The following SLC45A4 variants were observed in gnomAD, a reference collection of about 807,000 sequenced individuals.
SLC45A4 encodes polyamine-transporter SLC45A4.
Under a neutral mutation model 63.7 loss-of-function variants are expected in SLC45A4, and 32 were observed. The ratio of observed to expected loss-of-function variants is 0.50; its 90% CI spans 0.38 to 0.67. The LOEUF is 0.67. SLC45A4 is among the 30% of genes least tolerant of loss of function. The pLI, the probability that SLC45A4 is intolerant of heterozygous loss-of-function variation, is 0.00. For synonymous variants in SLC45A4, 535 were observed against 510.0 expected, an observed-to-expected ratio of 1.05 and a Z score of -0.66; for missense variants, 1,027 against 1,157.7, an observed-to-expected ratio of 0.89 and a Z score of 1.64.
rs1222023854 is a variant in SLC45A4 at position 141,211,921 on chromosome 8, TA to T, written c.2302-225del. On this transcript the variant is annotated intron_variant, in intron 8 of 8. Transcript: ENST00000517878. ...ACCTGCAGAATAAAAGAGCTGAAAT[TA>T]AAATATCTTTTTCAATTAAAAAAAA... 201 of 1,254,046 alleles carry T rather than the reference TA, an allele frequency of 1.6e-4. 2 individuals carry two copies. The East Asian group carries it at 6.1e-3, about 38-fold the overall frequency. The allele number at this position is 1,254,046 out of a possible 1,614,324, so 77.7% of individuals were successfully genotyped here. A position where few individuals can be genotyped will look rare whatever the true frequency, so the allele number is the denominator to read the frequency against.
At position 141,256,770 on chromosome 8, in the gene SLC45A4, T is replaced by C. The variant is rs1483272773; in HGVS notation, c.-400-2141A>G. On this transcript the variant is annotated intron_variant, in intron 1 of 8. Transcript: ENST00000517878. The surrounding 1 kb of genome is among the most constrained non-coding windows in gnomAD (Gnocchi z 4.3). ...AGAATTCTTTCAAGTTTTCCAAATG[T>C]CCTCTACCGTAGAAACATCTCAATT... 5.2e-6 allele frequency: 2 copies of C among 381,230 alleles called. No individual in the cohort carries two copies. The highest frequency in any genetic ancestry group is 1.1e-5 in the Non-Finnish European group (2 of 185,888). 23.6% of individuals were successfully genotyped at this position (381,230 alleles called of 1,614,324 possible).
chr8:141,259,409 C>T (rs191514828), intron 1 of SLC45A4, among the ~76,000 whole-genome samples: 63 of 152,328 alleles, frequency 4.1e-4, no homozygotes, highest in Admixed American at 7.2e-4. Flanking sequence ...GCCCATTGGT[C>T]GAGGGATCAC....
intron 1 of SLC45A4, among the ~76,000 whole-genome samples, chr8:141,277,083 C>T (rs1288614285): frequency 2.0e-5 from 3 of 152,200 alleles, no homozygotes; most frequent in African/African-American, 4.8e-5. Context: ...GAAGGATGCC[C>T]GGCACAGGGG....
At chr8:141,221,440 T>C (rs7004194) in intron 3 of SLC45A4, 137 bp downstream of exon 3, 145,413 of 1,103,092 alleles carry the variant, frequency 0.13, 11,040 homozygotes, top group East Asian at 0.27. Flanking sequence ...ACCGCCAGGG[T>C]GGCCCCGGCA....
At chr8:141,261,827 C>T (rs966538386) in intron 1 of SLC45A4, among the ~76,000 whole-genome samples, 3 of 152,152 alleles carry the variant, frequency 2.0e-5, no homozygotes, top group Non-Finnish European at 4.4e-5. Flanking sequence ...CAATGCCATC[C>T]CCATCAAGCT....
At chr8:141,273,778 G>A (rs147086334) in intron 1 of SLC45A4, among the ~76,000 whole-genome samples, 45 of 152,228 alleles carry the variant, frequency 3.0e-4, no homozygotes, top group Non-Finnish European at 5.4e-4. Context: ...CATAGTGAAC[G>A]TCGTGCTACG....
intron 1 of SLC45A4, among the ~76,000 whole-genome samples, chr8:141,284,135 A>T (rs1357764297): frequency 6.6e-6 from 1 of 152,132 alleles, no homozygotes; most frequent in Non-Finnish European, 1.5e-5. Context: ...CTTCCCCCAA[A>T]CCACCCGCAC....
At chr8:141,231,600 G>T (rs1224898302) in intron 2 of SLC45A4, among the ~76,000 whole-genome samples, 1 of 152,202 alleles carries the variant, frequency 6.6e-6, no homozygotes, top group Non-Finnish European at 1.5e-5. Context: ...ACACCGAGTG[G>T]TCGGGTCACC....
At chr8:141,283,754 G>A (rs62524187) in intron 1 of SLC45A4, among the ~76,000 whole-genome samples, 7,095 of 152,262 alleles carry the variant, frequency 0.047, 269 homozygotes, top group Non-Finnish European at 0.07. Flanking sequence ...AAGAATCAAC[G>A]GCAGCCAGGT....
At chr8:141,301,534 G>A (rs1830742660) in intron 1 of SLC45A4, among the ~76,000 whole-genome samples, 1 of 151,848 alleles carries the variant, frequency 6.6e-6, no homozygotes, top group Non-Finnish European at 1.5e-5. Flanking sequence ...GTCGCTTGAG[G>A]CCAGGAGTTC....
intron 1 of SLC45A4, chr8:141,292,843 T>C (rs1282532962): frequency 1.3e-5 from 2 of 152,274 alleles, no homozygotes; most frequent in Admixed American, 1.3e-4. Context: ...AAGGGCTGGC[T>C]CTAAGAAGTT....
intron 2 of SLC45A4, among the ~76,000 whole-genome samples, chr8:141,241,740 C>G (rs1827930227): frequency 6.6e-6 from 1 of 152,156 alleles, no homozygotes; most frequent in African/African-American, 2.4e-5. Context: ...CCCCCACTGC[C>G]TCCAAGCCTT....
intron 1 of SLC45A4, among the ~76,000 whole-genome samples, chr8:141,290,757 T>G (rs1377238672): frequency 3.9e-5 from 6 of 152,198 alleles, no homozygotes; most frequent in Non-Finnish European, 8.8e-5. Context: ...ACGCTGCGTG[T>G]GGTCTTACCC....
chr8:141,227,192 G>T lies in SLC45A4; in HGVS notation c.242-5427C>A, dbSNP rs1461522776. Among the ~76,000 whole-genome samples the T allele has an allele frequency of 2.0e-5, 3 of 152,232 alleles. No homozygotes were observed. The highest frequency in any genetic ancestry group is 7.2e-5 in the African/African-American group (3 of 41,454). On this transcript the variant is annotated intron_variant, in intron 2 of 8. Coordinates refer to ENST00000517878, the MANE Select transcript of SLC45A4 (RefSeq NM_001286646.2). This position sits in a 1 kb window ranked among gnomAD's most constrained non-coding sequence, Gnocchi z 4.4. Reference sequence around the variant, plus strand: ...AGACCAGGAAGGCTCTCCGTTCACAGGAAATACTGTGTCACCGCTCGGCCG... The same window carrying T: ...AGACCAGGAAGGCTCTCCGTTCACATGAAATACTGTGTCACCGCTCGGCCG...
intron 2 of SLC45A4, among the ~76,000 whole-genome samples, chr8:141,246,358 G>A (rs1050032237): frequency 3.1e-4 from 47 of 152,316 alleles, no homozygotes; most frequent in African/African-American, 1.0e-3. Context: ...ACAGCTCTGC[G>A]GGGTGGCTCT....
intron 2 of SLC45A4, among the ~76,000 whole-genome samples, chr8:141,247,121 A>G (rs983735971): frequency 2.6e-5 from 4 of 152,204 alleles, no homozygotes; most frequent in African/African-American, 9.6e-5. Flanking sequence ...AAATTGATAA[A>G]CCTTTAACCA....
In SLC45A4 at chr8:141,254,612, A is replaced by G; in HGVS notation, c.-383T>C. On this transcript the variant is annotated 5_prime_UTR_variant, in exon 2 of 9. An upstream start codon of the reference 5' UTR is lost. Transcript: ENST00000517878. The surrounding 1 kb of genome is among the most constrained non-coding windows in gnomAD (Gnocchi z 4.5). The stretch of plus-strand genomic sequence containing the variant: ...AACAGGTGGTCCGCTGGTAATCCCC[A>G]TCGAGTGACTGGATGATCTGCAAAA... The G allele has an allele frequency of 1.4e-6, 1 of 700,868 alleles. No individual in the cohort carries two copies. 43.4% of individuals were successfully genotyped at this position (700,868 alleles called of 1,614,324 possible). A position where few individuals can be genotyped will look rare whatever the true frequency, so the allele number is the denominator to read the frequency against.
intron 2 of SLC45A4, among the ~76,000 whole-genome samples, chr8:141,241,056 G>T (rs1004117540): frequency 6.6e-6 from 1 of 152,274 alleles, no homozygotes; most frequent in Non-Finnish European, 1.5e-5. Context: ...GCACCGGTTT[G>T]TGGGTGTGCT....
chr8:141,301,360 T>A lies in SLC45A4; in HGVS notation c.-401+6736A>T, dbSNP rs575806376. On this transcript the variant is annotated intron_variant, in intron 1 of 8. Transcript: ENST00000517878. ...TTCTGTACTGATAATTACAATGACA[T>A]AAAACATTCTTCTGGATGTTAACAT... Among the ~76,000 whole-genome samples the A allele has an allele frequency of 4.6e-5, 7 of 152,332 alleles. No individual in the cohort carries two copies. In the East Asian group the frequency reaches 1.2e-3, roughly 25 times the overall value.
Sources: gnomAD v4.1 joint callset for allele counts (sites outside exome capture counted in the v4.1 genomes callset) on GRCh38, gnomAD v4.1.1 for gene constraint, Gnocchi (gnomAD v3.1) non-coding constraint, MANE v1.5 for transcripts, NCBI Gene and HGNC (gene_info 2026-07-23, HGNC 2026-07-21) for gene names.